The following LEKR1 variants were observed in gnomAD, a reference collection of about 807,000 sequenced individuals.
LEKR1 encodes leucine, glutamate and lysine rich 1.
In LEKR1, 59 loss-of-function variants were observed where a neutral mutation model predicts 72.4. That is an observed-to-expected ratio of 0.82 (90% confidence interval 0.66 to 1.01). The LOEUF is 1.01. LEKR1 is among the 50% of genes least tolerant of loss of function. The pLI, the probability that LEKR1 is intolerant of heterozygous loss-of-function variation, is 0.00. For synonymous variants in LEKR1, 257 were observed against 263.2 expected, an observed-to-expected ratio of 0.98 and a Z score of 0.23; for missense variants, 728 against 759.2, an observed-to-expected ratio of 0.96 and a Z score of 0.48.
At chr3:156,911,367 GT>G (rs1398089781) in intron 3 of LEKR1, among the ~76,000 whole-genome samples, 5 of 151,626 alleles carry the variant, frequency 3.3e-5, no homozygotes, top group Non-Finnish European at 7.4e-5. Context: ...TATTTTTCTT[GT>G]TGAATTGTTT....
chr3:156,859,487 G>T lies in LEKR1; in HGVS notation c.263+6505G>T, dbSNP rs534242151. Among the ~76,000 whole-genome samples, 14 of 152,142 alleles carry T rather than the reference G, an allele frequency of 9.2e-5. No individual in the cohort carries two copies. In the South Asian group the frequency reaches 2.9e-3, roughly 32 times the overall value. On this transcript the variant is annotated intron_variant, in intron 3 of 12. Transcript: ENST00000356539. ...TTTTAAGTTCACAGCAAAATTGAGT[G>T]GATCAGAAAGTTTTCATATAACACA...
chr3:156,848,776 T>C (rs991259768), intron 2 of LEKR1, among the ~76,000 whole-genome samples: 1 of 152,192 alleles, frequency 6.6e-6, no homozygotes, highest in Non-Finnish European at 1.5e-5. Flanking sequence ...AAATGACTTA[T>C]AAGGATCAAC....
At chr3:156,828,836 T>G (rs1711992276) in intron 1 of LEKR1, among the ~76,000 whole-genome samples, 1 of 152,236 alleles carries the variant, frequency 6.6e-6, no homozygotes, top group African/African-American at 2.4e-5. Flanking sequence ...GCTCTTTTTC[T>G]GTATTTCATC....
At chr3:156,882,600 C>T (rs1299584483) in intron 3 of LEKR1, among the ~76,000 whole-genome samples, 1 of 152,174 alleles carries the variant, frequency 6.6e-6, no homozygotes, top group African/African-American at 2.4e-5. Context: ...GTGGCAATTC[C>T]TCAGGGATCT....
rs763659652 is a variant in LEKR1 at position 156,993,181 on chromosome 3, T to C, written c.1013T>C (p.Ile338Thr). Residue 338 changes from isoleucine (I) to threonine (T), a missense_variant, in exon 9 of 13, where the codon ATA (isoleucine) becomes ACA (threonine). Physicochemically the swap from Ile to Thr is moderately conservative, Grantham distance 89. Coordinates refer to ENST00000356539, the MANE Select transcript of LEKR1 (RefSeq NM_001004316.3). ...LTVKEKQEED[I>T]KRRINLAENE... ...GTGAAAGAAAAGCAAGAAGAAGACA[T>C]AAAGAGAAGAATTAACCTTGCAGAA... 6.2e-7 allele frequency: 1 copy of C among 1,611,888 alleles called. No individual in the cohort carries two copies. The highest frequency in any genetic ancestry group is 8.5e-7 in the Non-Finnish European group (1 of 1,178,478).
intron 3 of LEKR1, among the ~76,000 whole-genome samples, chr3:156,865,106 A>T (rs1717160464): frequency 6.6e-6 from 1 of 151,976 alleles, no homozygotes; most frequent in Non-Finnish European, 1.5e-5. Context: ...TGTGTCCCCA[A>T]GTGAACTGTT....
At chr3:156,972,564 A>G (rs1729318093) in intron 6 of LEKR1, among the ~76,000 whole-genome samples, 1 of 152,016 alleles carries the variant, frequency 6.6e-6, no homozygotes, top group African/African-American at 2.4e-5. Flanking sequence ...TTTGTTATTT[A>G]AAAGATTAAT....
chr3:157,026,680 A>G (rs1040542301), intron 11 of LEKR1, among the ~76,000 whole-genome samples: 1 of 152,234 alleles, frequency 6.6e-6, no homozygotes, highest in African/African-American at 2.4e-5. Context: ...AACTCTTTTT[A>G]TGTAACAGTT....
intron 9 of LEKR1, among the ~76,000 whole-genome samples, chr3:156,997,014 G>A (rs1576970490): frequency 6.6e-6 from 1 of 151,086 alleles, no homozygotes; most frequent in Admixed American, 6.6e-5. Context: ...GCAGTGAGCC[G>A]AGACTGCACC....
At position 156,883,626 on chromosome 3, in the gene LEKR1, T is replaced by C. The variant is rs139900389; in HGVS notation, c.263+30644T>C. On this transcript the variant is annotated intron_variant, in intron 3 of 12. Coordinates refer to ENST00000356539, the MANE Select transcript of LEKR1 (RefSeq NM_001004316.3). ...AGTTTCCCCCATACTGTTCTCATGGTAGTGAATAAGTCTCACAAGATCTGA... is the reference window on the plus strand; with the variant it reads ...AGTTTCCCCCATACTGTTCTCATGGCAGTGAATAAGTCTCACAAGATCTGA... Among the ~76,000 whole-genome samples the C allele has an allele frequency of 6.0e-4, 92 of 152,320 alleles. 1 individual carries two copies. The East Asian group carries it at 0.016, about 27-fold the overall frequency.
At position 156,992,633 on chromosome 3, in the gene LEKR1, C is replaced by A; in HGVS notation, c.828-20C>A. ...TTTATTTTGAAATAATATATTTTAA[C>A]TTCTTTTGTATTATTTTAGGAATAA... On this transcript the variant is annotated intron_variant, in intron 7 of 12. Transcript: ENST00000356539. 1 of 500,036 alleles carries A rather than the reference C, an allele frequency of 2.0e-6. No homozygotes were observed. The highest frequency in any genetic ancestry group is 3.0e-6 in the Non-Finnish European group (1 of 338,900). 31.0% of individuals were successfully genotyped at this position (500,036 alleles called of 1,614,324 possible). A position where few individuals can be genotyped will look rare whatever the true frequency, so the allele number is the denominator to read the frequency against.
rs1489327619 is a variant in LEKR1 at position 157,024,838 on chromosome 3, A to G, written c.1282A>G (p.Thr428Ala). The G allele has an allele frequency of 6.2e-7, 1 of 1,611,858 alleles. No individual in the cohort carries two copies. Among genetic ancestry groups the G allele is most frequent in the Non-Finnish European group, 8.5e-7 (1 of 1,178,608 alleles). Residue 428 changes from threonine (T) to alanine (A), a missense_variant, in exon 11 of 13, where the codon ACA becomes GCA. Coordinates refer to ENST00000356539, the MANE Select transcript of LEKR1 (RefSeq NM_001004316.3). ...EEQALLFKEE[T>A]KLQLDIEKEK... ...GCAAGCTCTTCTCTTTAAGGAAGAA[A>G]CAAAATTGCAACTTGATATTGAAAA...
chr3:156,863,295 G>C (rs1169924112), intron 3 of LEKR1, among the ~76,000 whole-genome samples: 1 of 152,014 alleles, frequency 6.6e-6, no homozygotes, highest in Non-Finnish European at 1.5e-5. Context: ...CCCGTCTAAT[G>C]CTGGACTCCA....
rs770988854 is a variant in LEKR1 at position 157,045,583 on chromosome 3, G to A, written c.1912G>A (p.Gly638Arg). Residue 638 changes from glycine to arginine, a missense_variant, in exon 13 of 13, where the codon GGG becomes AGG. Transcript: ENST00000356539. ...AGGAATCCAAATTCCCAACCTGCGCGGGGTGTCAAAACCCACCACTTTCCC... is the reference window on the plus strand; with the variant it reads ...AGGAATCCAAATTCCCAACCTGCGCAGGGTGTCAAAACCCACCACTTTCCC... ...EKGIQIPNLR[G>R]VSKPTTFPTS... is the part of the protein sequence containing the mutation. The A allele has an allele frequency of 6.8e-6, 11 of 1,613,946 alleles. No homozygotes were observed. In the African/African-American group the frequency reaches 1.1e-4, roughly 16 times the overall value.
rs185380895 is a variant in LEKR1 at position 156,997,699 on chromosome 3, C to T, written c.1109+4422C>T. Among the ~76,000 whole-genome samples, 24 of 152,306 alleles carry T rather than the reference C, an allele frequency of 1.6e-4. No homozygotes were observed. The South Asian group carries it at 3.9e-3, about 25-fold the overall frequency. ...ACCCCTCAGGAGAGCAGAGCCCTTA[C>T]TGAGGTCACAAATTGTGCAGTTTAG... On this transcript the variant is annotated intron_variant, in intron 9 of 12. Transcript: ENST00000356539.
chr3:157,010,820 T>C (rs755850261), intron 9 of LEKR1, among the ~76,000 whole-genome samples: 1 of 152,104 alleles, frequency 6.6e-6, no homozygotes, highest in Non-Finnish European at 1.5e-5. Flanking sequence ...TGGATTAAGA[T>C]GATAAAGTGA....
At chr3:156,996,432 C>A (rs1264090691) in intron 9 of LEKR1, among the ~76,000 whole-genome samples, 1 of 152,056 alleles carries the variant, frequency 6.6e-6, no homozygotes, top group Non-Finnish European at 1.5e-5. Flanking sequence ...GTGAGTGATG[C>A]AGGCAGGGTC....
At chr3:157,006,963 A>C (rs1732491149) in intron 9 of LEKR1, among the ~76,000 whole-genome samples, 1 of 152,194 alleles carries the variant, frequency 6.6e-6, no homozygotes, top group Admixed American at 6.5e-5. Context: ...GCACTTTGGG[A>C]GGCCGAGGTG....
chr3:156,898,451 C>T (rs1307966853), intron 3 of LEKR1, among the ~76,000 whole-genome samples: 4 of 152,056 alleles, frequency 2.6e-5, no homozygotes, highest in African/African-American at 7.2e-5. Context: ...GAGCCCTTGC[C>T]GTGTGAGGTT....
Sources: allele counts gnomAD v4.1 joint callset (sites outside exome capture counted in the v4.1 genomes callset), GRCh38; gene constraint gnomAD v4.1.1; transcripts MANE v1.5; gene names NCBI Gene and HGNC (gene_info 2026-07-23, HGNC 2026-07-21).